Variants in KCNJ16 observed in about 807,000 individuals in gnomAD.
KCNJ16 encodes inward rectifier potassium channel 16.
Under a neutral mutation model 18.5 loss-of-function variants are expected in KCNJ16, and 15 were observed. That is an observed-to-expected ratio of 0.81 (90% CI 0.54 to 1.25). The LOEUF is 1.25. Among genes scored for constraint, KCNJ16 ranks in the 50% most tolerant of loss-of-function variants. The pLI is 0.00. For synonymous variants in KCNJ16, 174 were observed against 186.5 expected (o/e 0.93, Z 0.55); for missense variants, 523 against 525.7 (o/e 0.99, Z 0.05).
chr17:70,119,764 G>A (rs1164380158), intron 2 of KCNJ16, among the ~76,000 whole-genome samples: 1 of 152,188 alleles, frequency 6.6e-6, no homozygotes, highest in Non-Finnish European at 1.5e-5. Flanking sequence ...TGTGATGGGA[G>A]GGGTTTTCTA....
intron 1 of KCNJ16, among the ~76,000 whole-genome samples, chr17:70,098,762 T>C (rs1215107597): frequency 6.6e-6 from 1 of 152,164 alleles, no homozygotes; most frequent in Non-Finnish European, 1.5e-5. Context: ...AGCTTTGAAG[T>C]TGAATTTTGA....
In KCNJ16 at chr17:70,132,635, G is replaced by C; in HGVS notation, c.548G>C (p.Arg183Pro). The change falls in exon 4 of 4, where the codon CGT (arginine) becomes CCT (proline). Residue 183 changes from arginine (R) to proline (P), a missense_variant. Arg to Pro is a moderately radical substitution (Grantham distance 103). Transcript: ENST00000392671. ...GCTCGAAAGAGAGCCCAAACCATTC[G>C]TTTCAGCTACTTTGCACTTATAGGT... ...ATARKRAQTI[R>P]FSYFALIGMR... The C allele has an allele frequency of 6.2e-7, 1 of 1,614,164 alleles. No homozygotes were observed.
At position 70,133,103 on chromosome 17, in the gene KCNJ16, G is replaced by T. The variant is rs763595340; in HGVS notation, c.1016G>T (p.Cys339Phe). Residue 339 changes from cysteine (C) to phenylalanine (F), a missense_variant, in exon 4 of 4, where the codon TGC becomes TTC. Coordinates refer to ENST00000392671, the MANE Select transcript of KCNJ16 (RefSeq NM_170741.4). The part of the protein sequence containing the change: ...EGSVEVYAPF[C>F]SAKQLDWKDQ... ...AGTGTGGAAGTATATGCCCCCTTTT[G>T]CAGTGCCAAGCAATTGGACTGGAAA... The T allele has an allele frequency of 5.6e-6, 9 of 1,614,050 alleles. No individual in the cohort carries two copies. Among genetic ancestry groups the T allele is most frequent in the Non-Finnish European group, 7.6e-6 (9 of 1,180,044 alleles).
intron 2 of KCNJ16, chr17:70,105,184 A>G: frequency 6.6e-6 from 1 of 152,126 alleles, no homozygotes; most frequent in East Asian, 1.9e-4. Flanking sequence ...CATCTTTATG[A>G]TGCTTTTTTT....
At chr17:70,095,323 A>G (rs1228689882) in intron 1 of KCNJ16, among the ~76,000 whole-genome samples, 2 of 152,316 alleles carry the variant, frequency 1.3e-5, no homozygotes, top group East Asian at 3.9e-4. Context: ...CCCAATCATA[A>G]CCTTTGTAGC....
rs1168940693 is a variant in KCNJ16, at chr17:70,132,565, A to G, written c.478A>G (p.Ile160Val). The G allele has an allele frequency of 6.2e-7, 1 of 1,614,192 alleles. No homozygotes were observed. Residue 160 changes from isoleucine (I) to valine (V), a missense_variant, in exon 4 of 4, where the codon ATA becomes GTA. Ile to Val is a conservative substitution (Grantham distance 29). Transcript: ENST00000392671. ...CCTCCAGTCCATCTTAAGTTGCATC[A>G]TAAATACCTTTATCATTGGAGCTGC... ...VILQSILSCI[I>V]NTFIIGAALA...
chr17:70,078,408 T>C (rs1346093974), intron 1 of KCNJ16, among the ~76,000 whole-genome samples: 17 of 152,208 alleles, frequency 1.1e-4, no homozygotes, highest in Non-Finnish European at 1.5e-5. Context: ...CCTCCATTCC[T>C]AATTTTATTT....
intron 2 of KCNJ16, among the ~76,000 whole-genome samples, chr17:70,103,229 TTATATATTTATGTGTATA>T (rs1241173131): frequency 1.2e-4 from 17 of 144,054 alleles, no homozygotes; most frequent in South Asian, 2.1e-4. Context: ...TATATGTGTA[TTATATATTTATGTGTATA>T]TATATATTTA....
intron 1 of KCNJ16, among the ~76,000 whole-genome samples, chr17:70,088,669 T>C (rs2071949085): frequency 6.6e-6 from 1 of 152,192 alleles, no homozygotes; most frequent in Non-Finnish European, 1.5e-5. Context: ...TAACTTATGG[T>C]ACACTTTGGC....
chr17:70,097,473 G>T (rs1403436865), intron 1 of KCNJ16, among the ~76,000 whole-genome samples: 1 of 152,142 alleles, frequency 6.6e-6, no homozygotes, highest in Non-Finnish European at 1.5e-5. Context: ...AGGAGCAGGA[G>T]GATGGAGAAA....
rs1407889429 is a variant in KCNJ16, at chr17:70,128,425, G to A, written c.-190-2454G>A. Among the ~76,000 whole-genome samples the A allele has an allele frequency of 2.6e-5, 4 of 152,102 alleles. 1 individual carries two copies. Among genetic ancestry groups the A allele is most frequent in the Admixed American group, 2.0e-4 (3 of 15,274 alleles). On this transcript the variant is annotated intron_variant, in intron 2 of 3. Transcript: ENST00000392671. ...GACCCTTCTAACTTCCCCTCTCTCA[G>A]ACCTCCTCGTGGGATGAAGTAAATC...
At chr17:70,116,037 T>G (rs2073388485) in intron 2 of KCNJ16, among the ~76,000 whole-genome samples, 1 of 152,180 alleles carries the variant, frequency 6.6e-6, no homozygotes, top group African/African-American at 2.4e-5. Context: ...TTTTTCTTTC[T>G]GCAAAAGTCA....
At chr17:70,094,761 A>G (rs745744318) in intron 1 of KCNJ16, among the ~76,000 whole-genome samples, 4 of 152,170 alleles carry the variant, frequency 2.6e-5, no homozygotes, top group Admixed American at 2.0e-4. Flanking sequence ...TTACACTTGA[A>G]AGTAAATTGC....
chr17:70,093,453 A>C (rs1343950272), intron 1 of KCNJ16, among the ~76,000 whole-genome samples: 1 of 152,150 alleles, frequency 6.6e-6, no homozygotes, highest in Non-Finnish European at 1.5e-5. Flanking sequence ...CTGTAAGGAC[A>C]CCAGTCGTAT....
chr17:70,120,850 G>A (rs983605406), intron 2 of KCNJ16, among the ~76,000 whole-genome samples: 1 of 152,150 alleles, frequency 6.6e-6, no homozygotes, highest in African/African-American at 2.4e-5. Context: ...CTGTATCACA[G>A]ATTAACAGGA....
rs1383089505 is a variant in KCNJ16 at position 70,133,399 on chromosome 17, C to G, written c.*55C>G. 2.0e-6 allele frequency: 3 copies of G among 1,495,672 alleles called. No individual in the cohort carries two copies. The highest frequency in any genetic ancestry group is 2.3e-5 in the East Asian group (1 of 43,882). The allele number at this position is 1,495,672 out of a possible 1,614,324, so 92.7% of individuals were successfully genotyped here. ...TGAATCATTTTATCTTTCAGCCAATCAAGTCGTTGTAAACGTGGCTTTTTT... is the reference window on the plus strand; with the variant it reads ...TGAATCATTTTATCTTTCAGCCAATGAAGTCGTTGTAAACGTGGCTTTTTT... On this transcript the variant is annotated 3_prime_UTR_variant, in exon 4 of 4. Coordinates refer to ENST00000392671, the MANE Select transcript of KCNJ16 (RefSeq NM_170741.4).
At chr17:70,113,834 T>C (rs1445465098) in intron 2 of KCNJ16, among the ~76,000 whole-genome samples, 1 of 151,976 alleles carries the variant, frequency 6.6e-6, no homozygotes, top group African/African-American at 2.4e-5. Flanking sequence ...GAAGAGAAAG[T>C]ATTAAAAAAA....
intron 2 of KCNJ16, among the ~76,000 whole-genome samples, chr17:70,121,915 T>A: frequency 6.6e-6 from 1 of 152,130 alleles, no homozygotes; most frequent in East Asian, 1.9e-4. Flanking sequence ...GCCAAAATTA[T>A]GCCACTGCAC....
chr17:70,091,036 C>A (rs2072067704), intron 1 of KCNJ16, among the ~76,000 whole-genome samples: 2 of 152,134 alleles, frequency 1.3e-5, no homozygotes, highest in Admixed American at 1.3e-4. Context: ...ACAAAAATGC[C>A]TTGTTTCTTT....
Sources: allele counts gnomAD v4.1 joint callset (sites outside exome capture counted in the v4.1 genomes callset), GRCh38; gene constraint gnomAD v4.1.1; transcripts MANE v1.5; gene names NCBI Gene and HGNC (gene_info 2026-07-23, HGNC 2026-07-21).